GEMIN5: variants seen among roughly 807,000 people sequenced by gnomAD.
GEMIN5 encodes gem-associated protein 5.
A neutral mutation model predicts 176.9 loss-of-function variants in GEMIN5; 124 were observed. That is an observed-to-expected ratio of 0.70 (90% CI 0.61 to 0.81). GEMIN5 has a LOEUF of 0.81. Ranked by LOEUF, GEMIN5 falls within the 40% of genes least tolerant of loss-of-function variation. The pLI is 0.00. For missense variants in GEMIN5, 1,843 were observed against 1,814.6 expected (o/e 1.02, Z -0.28); for synonymous variants, 673 against 665.2 (o/e 1.01, Z -0.18).
At chr5:154,916,956 A>C in intron 13 of GEMIN5, 42 bp downstream of exon 13, 1 of 1,149,860 alleles carries the variant, frequency 8.7e-7, no homozygotes, top group Non-Finnish European at 1.2e-6. Context: ...AAAGTAGCTG[A>C]ACAAACGATA....
chr5:154,901,469 G>C lies in GEMIN5; in HGVS notation c.2884C>G (p.Leu962Val). The change falls in exon 21 of 28, where the codon CTA (leucine) becomes GTA (valine). Residue 962 changes from leucine (L) to valine (V), a missense_variant. By Grantham distance (32) the Leu-to-Val change is conservative. Transcript: ENST00000285873. ...MAPAAGYHVW[L>V]WAVEAFAKQL... ...TTGGCAAAAGCTTCCACAGCCCATA[G>C]CCACACATGGTAGCCAGCTGAAAAA... The C allele has an allele frequency of 6.2e-7, 1 of 1,613,832 alleles. No homozygotes were observed. Among genetic ancestry groups the C allele is most frequent in the Non-Finnish European group, 8.5e-7 (1 of 1,179,890 alleles).
At chr5:154,911,676 T>C (rs1335574692) in intron 15 of GEMIN5, 51 bp downstream of exon 15, 2 of 1,475,588 alleles carry the variant, frequency 1.4e-6, no homozygotes, top group Non-Finnish European at 1.9e-6. Context: ...ATCAACTCAA[T>C]TATTAAGAAA....
At chr5:154,924,856 G>A (rs1170123295) in intron 8 of GEMIN5, among the ~76,000 whole-genome samples, 6 of 152,102 alleles carry the variant, frequency 3.9e-5, no homozygotes, top group Non-Finnish European at 7.4e-5. Context: ...AGGCGTGGTG[G>A]CGGGCGCCTG....
intron 22 of GEMIN5, 118 bp from the exon 23 acceptor site, chr5:154,898,768 G>C (rs947304171): frequency 4.9e-6 from 4 of 815,562 alleles, no homozygotes; most frequent in Non-Finnish European, 8.0e-6. Context: ...TGTGGTCCCA[G>C]GTATGTCACT....
Position 154,904,092 on chromosome 5 carries a change from A to AT in GEMIN5, c.2632+414dup, listed in dbSNP as rs1322888144. Among the ~76,000 whole-genome samples, 32 of 151,986 alleles carry AT rather than the reference A, an allele frequency of 2.1e-4. No homozygotes were observed. The East Asian group carries it at 2.7e-3, about 13-fold the overall frequency. On this transcript the variant is annotated intron_variant, in intron 18 of 27. Coordinates refer to ENST00000285873, the MANE Select transcript of GEMIN5 (RefSeq NM_015465.5). ...CTTACAAAGCAAAAGCTTCCATCAAATTTTTTTCTAAAAAAATGCCATATT... is the reference window on the plus strand; with the variant it reads ...CTTACAAAGCAAAAGCTTCCATCAAATTTTTTTTCTAAAAAAATGCCATATT...
At chr5:154,918,936 G>A (rs1763864920) in intron 11 of GEMIN5, among the ~76,000 whole-genome samples, 1 of 152,024 alleles carries the variant, frequency 6.6e-6, no homozygotes, top group Admixed American at 6.6e-5. Flanking sequence ...AGCTACTCAG[G>A]TGGCTGAGAC....
Position 154,907,772 on chromosome 5 carries a change from C to G in GEMIN5, c.2214G>C (p.Lys738Asn). Residue 738 changes from lysine (K) to asparagine (N), a missense_variant, in exon 16 of 28, where the codon AAG becomes AAC. Physicochemically the swap from Lys to Asn is moderately conservative, Grantham distance 94 (BLOSUM62 0). Coordinates refer to ENST00000285873, the MANE Select transcript of GEMIN5 (RefSeq NM_015465.5). ...GCTTTTTCTTCTTTTTGGGCTTTGC[C>G]TTAGGTTGAGAGAGCCGTTTTTTCT... ...ELEKKRLSQPKAKPKKKKKPT... is the reference protein window; with the variant it reads ...ELEKKRLSQPNAKPKKKKKPT... The G allele has an allele frequency of 6.2e-7, 1 of 1,613,982 alleles. No homozygotes were observed. The highest frequency in any genetic ancestry group is 1.1e-5 in the South Asian group (1 of 91,074).
chr5:154,890,989 C>A (rs1042515668), intron 26 of GEMIN5, among the ~76,000 whole-genome samples: 1 of 150,540 alleles, frequency 6.6e-6, no homozygotes, highest in African/African-American at 2.4e-5. Flanking sequence ...CTCCTTACTT[C>A]AAGTGATCTG....
rs978107828 is a variant in GEMIN5 at position 154,891,816 on chromosome 5, T to C, written c.3761-74A>G. ...AGAAATGTGGCTTCCTGCCCTTATG[T>C]TCTATTTCTTATCAACCAAGAAGCA... On this transcript the variant is annotated intron_variant, in intron 25 of 27. Transcript: ENST00000285873. The C allele has an allele frequency of 5.0e-6, 7 of 1,402,786 alleles. No homozygotes were observed. The African/African-American group carries it at 7.2e-5, about 14-fold the overall frequency. The allele number at this position is 1,402,786 out of a possible 1,614,324, so 86.9% of individuals were successfully genotyped here.
chr5:154,899,966 T>TATTC (rs1367554667), intron 21 of GEMIN5, among the ~76,000 whole-genome samples: 1 of 152,050 alleles, frequency 6.6e-6, no homozygotes, highest in African/African-American at 2.4e-5. Flanking sequence ...AAATAACAGT[T>TATTC]ATTCAGTGTT....
At chr5:154,920,279 A>T (rs1245367988) in intron 10 of GEMIN5, among the ~76,000 whole-genome samples, 176 bp from the exon 11 acceptor site, 1 of 152,212 alleles carries the variant, frequency 6.6e-6, no homozygotes, top group Non-Finnish European at 1.5e-5. Flanking sequence ...AGTTGTTGGG[A>T]GCAGAAGTAA....
intron 3 of GEMIN5, 27 bp downstream of exon 3, chr5:154,935,811 AATC>A: frequency 6.7e-7 from 1 of 1,502,288 alleles, no homozygotes. Context: ...AACAAACAAA[AATC>A]ATCAATACAG....
rs533211725 is a variant in GEMIN5 at position 154,909,605 on chromosome 5, T to C, written c.2168-1787A>G. Reference sequence around the variant, plus strand: ...AATCTAATATTTCCACCAAGCCTCTTTGTAGTAAGATATACCCCCTGCTTG... The same window carrying C: ...AATCTAATATTTCCACCAAGCCTCTCTGTAGTAAGATATACCCCCTGCTTG... On this transcript the variant is annotated intron_variant, in intron 15 of 27. Transcript: ENST00000285873. 9.3e-4 allele frequency among the ~76,000 whole-genome samples: 141 copies of C among 152,124 alleles called. 1 individual carries two copies. Among genetic ancestry groups the C allele is most frequent in the Non-Finnish European group, 1.8e-3 (122 of 68,026 alleles).
chr5:154,938,162 C>G lies in GEMIN5; in HGVS notation c.-29G>C, dbSNP rs1764312716. ...TACAAGCCGTCAGAGACAAGAGAAG[C>G]TGCCACAGCCGACCGCTCGTAGCCT... On this transcript the variant is annotated 5_prime_UTR_variant, in exon 1 of 28. Transcript: ENST00000285873. 7 of 1,343,600 alleles carry G rather than the reference C, an allele frequency of 5.2e-6. No homozygotes were observed. The highest frequency in any genetic ancestry group is 6.7e-6 in the Non-Finnish European group (7 of 1,040,270). 83.2% of individuals were successfully genotyped at this position (1,343,600 alleles called of 1,614,324 possible).
chr5:154,898,530 A>G lies in GEMIN5; in HGVS notation c.3255T>C (p.Ala1085=), dbSNP rs755619993. Residue 1085 remains alanine, a synonymous_variant, in exon 23 of 28, where the codon GCT becomes GCC. Transcript: ENST00000285873. ...CTTGGGCACATCTGAGAGCCAGGGA[A>G]GCAGACAACTCATCCTCTCCTACGA... ...AAIVGEDELS[A]SLALRCAQEL... 1.2e-6 allele frequency: 2 copies of G among 1,614,196 alleles called. No individual in the cohort carries two copies. The highest frequency in any genetic ancestry group is 2.2e-5 in the East Asian group (1 of 44,880).
At chr5:154,910,754 A>G (rs1456388272) in intron 15 of GEMIN5, among the ~76,000 whole-genome samples, 2 of 152,178 alleles carry the variant, frequency 1.3e-5, no homozygotes, top group Non-Finnish European at 2.9e-5. Context: ...GCTGGAGTAC[A>G]GTGGCGCAAT....
rs1763460603 is a variant in GEMIN5 at position 154,901,382 on chromosome 5, C to G, written c.2971G>C (p.Val991Leu). ...AASHLLSIHKVYEAVELLKSN... is the reference protein window; with the variant it reads ...AASHLLSIHKLYEAVELLKSN... ...TTGAGCAGCTCCACCGCTTCATACACTTTGTGGATGGAAAGTAGGTGAGAA... is the reference window on the plus strand; with the variant it reads ...TTGAGCAGCTCCACCGCTTCATACAGTTTGTGGATGGAAAGTAGGTGAGAA... Residue 991 changes from valine (V) to leucine (L), a missense_variant, in exon 21 of 28, where the codon GTG becomes CTG. Physicochemically the swap from Val to Leu is conservative, Grantham distance 32. Transcript: ENST00000285873. The G allele has an allele frequency of 1.2e-6, 2 of 1,614,142 alleles. No individual in the cohort carries two copies. Among genetic ancestry groups the G allele is most frequent in the East Asian group, 4.5e-5 (2 of 44,880 alleles).
At position 154,927,365 on chromosome 5, in the gene GEMIN5, G is replaced by C; in HGVS notation, c.1080+20C>G. On this transcript the variant is annotated intron_variant, in intron 7 of 27. Coordinates refer to ENST00000285873, the MANE Select transcript of GEMIN5 (RefSeq NM_015465.5). Reference sequence around the variant, plus strand: ...GTAAACTGCTGCTCTACAATGCTGAGTGAAAATAAGCATTCTTACATCTCT... The same window carrying C: ...GTAAACTGCTGCTCTACAATGCTGACTGAAAATAAGCATTCTTACATCTCT... 6.6e-7 allele frequency: 1 copy of C among 1,524,388 alleles called. No homozygotes were observed. The highest frequency in any genetic ancestry group is 1.1e-5 in the South Asian group (1 of 88,310). 94.4% of individuals were successfully genotyped at this position (1,524,388 alleles called of 1,614,324 possible).
chr5:154,891,779 T>C, intron 25 of GEMIN5, 37 bp from the exon 26 acceptor site: 1 of 1,531,404 alleles, frequency 6.5e-7, no homozygotes, highest in South Asian at 1.3e-5. Flanking sequence ...GTCATGCATT[T>C]CTCTAGTTGC....
Sources: allele counts gnomAD v4.1 joint callset (sites outside exome capture counted in the v4.1 genomes callset), GRCh38; gene constraint gnomAD v4.1.1; transcripts MANE v1.5; gene names NCBI Gene and HGNC (gene_info 2026-07-23, HGNC 2026-07-21).